The following CHST9 variants were observed in gnomAD, a reference collection of about 807,000 sequenced individuals.
CHST9 encodes GalNAc-4-sulfotransferase 2.
In CHST9, 41 loss-of-function variants were observed where a neutral mutation model predicts 44.4. The ratio of observed to expected loss-of-function variants is 0.92; its 90% confidence interval spans 0.72 to 1.20. The LOEUF is 1.20. Among genes scored for constraint, CHST9 ranks in the 50% most tolerant of loss-of-function variants. The pLI, the probability that CHST9 is intolerant of heterozygous loss-of-function variation, is 0.00. For missense variants in CHST9, 504 were observed against 516.5 expected, an observed-to-expected ratio of 0.98 and a Z score of 0.23; for synonymous variants, 171 against 178.4, an observed-to-expected ratio of 0.96 and a Z score of 0.33.
At chr18:27,137,398 G>A (rs139496628) in intron 2 of CHST9, among the ~76,000 whole-genome samples, 58 of 151,092 alleles carry the variant, frequency 3.8e-4, no homozygotes, top group African/African-American at 1.2e-3. Flanking sequence ...TGACTGTGGG[G>A]GTGATCAAAG....
In CHST9 at chr18:27,140,735, T is replaced by C. The variant is rs190776019; in HGVS notation, c.121+1954A>G. Among the ~76,000 whole-genome samples the C allele has an allele frequency of 1.2e-4, 18 of 152,358 alleles. No individual in the cohort carries two copies. The East Asian group carries it at 3.5e-3, about 29-fold the overall frequency. On this transcript the variant is annotated intron_variant, in intron 2 of 5. Coordinates refer to ENST00000618847, the MANE Select transcript of CHST9 (RefSeq NM_031422.6). ...TGAAGGCTTACTATGTTACAGGATC[T>C]ATGCTAAGGGTTATATTTCAGGAGG...
chr18:27,062,130 C>T (rs1359815291), intron 2 of CHST9, among the ~76,000 whole-genome samples: 1 of 152,208 alleles, frequency 6.6e-6, no homozygotes, highest in East Asian at 1.9e-4. Context: ...TAAAACATTC[C>T]TCTTCAAACT....
intron 1 of CHST9, among the ~76,000 whole-genome samples, chr18:27,163,523 CT>C (rs1423299075): frequency 6.6e-6 from 1 of 152,218 alleles, no homozygotes; most frequent in Non-Finnish European, 1.5e-5. Flanking sequence ...GCGGGCGCCC[CT>C]CTCCCAGCCT....
chr18:27,152,876 T>G (rs917334984), intron 1 of CHST9, among the ~76,000 whole-genome samples: 1 of 152,124 alleles, frequency 6.6e-6, no homozygotes, highest in Non-Finnish European at 1.5e-5. Context: ...ATGTGTCTGA[T>G]GAGCTAAGAT....
intron 2 of CHST9, among the ~76,000 whole-genome samples, chr18:27,072,023 G>T (rs2143649334): frequency 6.6e-6 from 1 of 152,256 alleles, no homozygotes; most frequent in South Asian, 2.1e-4. Flanking sequence ...TATAAGTGTG[G>T]CTGTTAGGAT....
At chr18:27,080,637 T>A (rs1200242787) in intron 2 of CHST9, among the ~76,000 whole-genome samples, 2 of 152,050 alleles carry the variant, frequency 1.3e-5, no homozygotes, top group Non-Finnish European at 2.9e-5. Flanking sequence ...TGGCCAAATG[T>A]GTAATTTGGT....
intron 2 of CHST9, among the ~76,000 whole-genome samples, chr18:27,135,902 A>C (rs929396211): frequency 6.6e-6 from 1 of 152,204 alleles, no homozygotes; most frequent in African/African-American, 2.4e-5. Flanking sequence ...TGCAATTCTA[A>C]CAAGTCTCAC....
intron 5 of CHST9, among the ~76,000 whole-genome samples, chr18:26,926,136 C>A (rs2055763569): frequency 6.6e-6 from 1 of 152,176 alleles, no homozygotes; most frequent in African/African-American, 2.4e-5. Context: ...AGAGAAACTA[C>A]TGAATTACAG....
chr18:27,074,363 T>A (rs1035530227), intron 2 of CHST9, among the ~76,000 whole-genome samples: 16 of 152,216 alleles, frequency 1.1e-4, no homozygotes. Flanking sequence ...CTTTAATGAC[T>A]GGTATGAGTT....
rs1360375540 is a variant in CHST9 at position 26,913,274 on chromosome 18, GATA to G, written c.*2982_*2984del. ...GAATTAGAACTACTAATTCCCTAAT[GATA>G]ATAATATTATTATTTTCTGTTACAG... On this transcript the variant is annotated 3_prime_UTR_variant, in exon 6 of 6. Coordinates refer to ENST00000618847, the MANE Select transcript of CHST9 (RefSeq NM_031422.6). 2.6e-5 allele frequency: 4 copies of G among 152,064 alleles called. No individual in the cohort carries two copies. Among genetic ancestry groups the G allele is most frequent in the African/African-American group, 4.8e-5 (2 of 41,390 alleles). 9.4% of individuals were successfully genotyped at this position (152,064 alleles called of 1,614,324 possible).
intron 4 of CHST9, among the ~76,000 whole-genome samples, chr18:27,011,472 G>A (rs2057083917): frequency 6.6e-6 from 1 of 152,054 alleles, no homozygotes; most frequent in Admixed American, 6.5e-5. Flanking sequence ...TCAGGCTGGG[G>A]AAAAAAACAG....
chr18:27,098,338 G>C lies in CHST9; in HGVS notation c.121+44351C>G, dbSNP rs2058137898. Reference sequence around the variant, plus strand: ...TGCTGGTGAGGCTGAAGAGAAATAGGAATGCTTTTACACTGTTGGTGTAAA... The same window carrying C: ...TGCTGGTGAGGCTGAAGAGAAATAGCAATGCTTTTACACTGTTGGTGTAAA... On this transcript the variant is annotated intron_variant, in intron 2 of 5. Transcript: ENST00000618847. Among the ~76,000 whole-genome samples, 4 of 152,182 alleles carry C rather than the reference G, an allele frequency of 2.6e-5. No homozygotes were observed. In the South Asian group the frequency reaches 8.3e-4, roughly 32 times the overall value.
intron 5 of CHST9, among the ~76,000 whole-genome samples, chr18:26,941,275 A>G (rs373557165): frequency 5.3e-5 from 8 of 152,152 alleles, no homozygotes; most frequent in African/African-American, 1.9e-4. Flanking sequence ...TGCACCAGAA[A>G]CAGAGCCTCA....
At chr18:27,002,045 GT>G (rs370788950) in intron 4 of CHST9, among the ~76,000 whole-genome samples, 47 of 150,660 alleles carry the variant, frequency 3.1e-4, no homozygotes, top group African/African-American at 1.1e-3. Flanking sequence ...GATTGACAAA[GT>G]AAAAAAAAAA....
At chr18:27,014,153 T>C (rs2057118232) in intron 4 of CHST9, among the ~76,000 whole-genome samples, 1 of 152,144 alleles carries the variant, frequency 6.6e-6, no homozygotes, top group Non-Finnish European at 1.5e-5. Flanking sequence ...ATCTTGGCAT[T>C]ACTCATAATC....
chr18:27,052,719 A>C (rs2143576811), intron 2 of CHST9, among the ~76,000 whole-genome samples: 1 of 152,300 alleles, frequency 6.6e-6, no homozygotes, highest in African/African-American at 2.4e-5. Flanking sequence ...TGGCACATAT[A>C]CACCATGGAA....
intron 2 of CHST9, among the ~76,000 whole-genome samples, chr18:27,132,499 G>A (rs1242537452): frequency 6.6e-6 from 1 of 152,142 alleles, no homozygotes; most frequent in African/African-American, 2.4e-5. Context: ...TAGTTTTGGG[G>A]TGAATTCACT....
At chr18:27,005,185 G>A (rs1172476936) in intron 4 of CHST9, among the ~76,000 whole-genome samples, 2 of 152,078 alleles carry the variant, frequency 1.3e-5, no homozygotes, top group Admixed American at 6.5e-5. Flanking sequence ...TAATTTCTTT[G>A]AGCCTCAGTT....
At chr18:27,063,809 T>G (rs1240440882) in intron 2 of CHST9, among the ~76,000 whole-genome samples, 2 of 152,068 alleles carry the variant, frequency 1.3e-5, no homozygotes, top group Non-Finnish European at 2.9e-5. Flanking sequence ...ACATGTGTGG[T>G]TTTTTTTAAT....
Sources: gnomAD v4.1 joint callset for allele counts (sites outside exome capture counted in the v4.1 genomes callset) on GRCh38, gnomAD v4.1.1 for gene constraint, MANE v1.5 for transcripts, NCBI Gene and HGNC (gene_info 2026-07-23, HGNC 2026-07-21) for gene names.